The following TLK2 variants were observed in gnomAD, a reference collection of about 807,000 sequenced individuals.
The protein encoded by TLK2 is tousled like kinase 2.
TLK2 carries 6 observed loss-of-function variants against 117.3 expected under a neutral mutation model. The ratio of observed to expected loss-of-function variants is 0.05; its 90% confidence interval spans 0.03 to 0.10. TLK2 has a LOEUF of 0.10. TLK2 is among the 10% of genes least tolerant of loss of function. The pLI is 1.00. For synonymous variants in TLK2, 257 were observed against 316.7 expected (o/e 0.81, Z 2.00); for missense variants, 299 against 901.2 (o/e 0.33, Z 8.56).
At chr17:62,482,401 T>G (rs534664996) in intron 2 of TLK2, among the ~76,000 whole-genome samples, 6 of 151,882 alleles carry the variant, frequency 4.0e-5, no homozygotes, top group East Asian at 1.9e-4. Flanking sequence ...AAAATGGGCT[T>G]CTTTGATGGG....
intron 7 of TLK2, chr17:62,551,516 T>C (rs2078455538): frequency 6.6e-6 from 1 of 152,066 alleles, no homozygotes; most frequent in Non-Finnish European, 1.5e-5. Flanking sequence ...CCATCCTGGC[T>C]AACACAGTGA....
intron 9 of TLK2, among the ~76,000 whole-genome samples, chr17:62,556,259 A>G (rs560176039): frequency 5.3e-5 from 8 of 152,310 alleles, no homozygotes; most frequent in African/African-American, 1.9e-4. Flanking sequence ...TATATATGAT[A>G]CTAAGTTCTT....
At chr17:62,539,557 C>G (rs1381169537) in intron 7 of TLK2, among the ~76,000 whole-genome samples, 4 of 150,120 alleles carry the variant, frequency 2.7e-5, no homozygotes, top group Non-Finnish European at 5.9e-5. Flanking sequence ...TCAGCTCACT[C>G]CAACCTCCAT....
intron 16 of TLK2, among the ~76,000 whole-genome samples, chr17:62,595,198 G>C (rs1338668990): frequency 6.6e-6 from 1 of 151,848 alleles, no homozygotes; most frequent in African/African-American, 2.4e-5. Flanking sequence ...CCTGACCTCA[G>C]GTGATCCAGC....
chr17:62,593,732 C>T (rs927196960), intron 16 of TLK2, among the ~76,000 whole-genome samples: 1 of 151,714 alleles, frequency 6.6e-6, no homozygotes, highest in Non-Finnish European at 1.5e-5. Context: ...GAAGGACCCG[C>T]CTGAGGCTGT....
rs1182946948 is a variant in TLK2, at chr17:62,613,413, A to T, written c.*848A>T. 1 of 152,610 alleles carries T rather than the reference A, an allele frequency of 6.6e-6. No homozygotes were observed. The highest frequency in any genetic ancestry group is 6.5e-5 in the Admixed American group (1 of 15,274). The allele number at this position is 152,610 out of a possible 1,614,324, so 9.5% of individuals were successfully genotyped here. The stretch of plus-strand genomic sequence containing the variant: ...CTAGGTTTTCAACTATTTCTTCACA[A>T]TTTGAACACTTGACGGTTGTCCCTT... On this transcript the variant is annotated 3_prime_UTR_variant, in exon 22 of 22. Transcript: ENST00000346027.
At chr17:62,528,113 G>T (rs1459463434) in intron 6 of TLK2, among the ~76,000 whole-genome samples, 2 of 152,070 alleles carry the variant, frequency 1.3e-5, no homozygotes, top group Admixed American at 1.3e-4. Flanking sequence ...ACATAAAGGT[G>T]TAATTTTTAA....
At chr17:62,579,807 C>T (rs150932450) in intron 14 of TLK2, among the ~76,000 whole-genome samples, 11 of 152,304 alleles carry the variant, frequency 7.2e-5, no homozygotes, top group African/African-American at 2.2e-4. Flanking sequence ...AATCTCTAAT[C>T]TACCCTCCCT....
At chr17:62,576,659 C>G (rs376020449) in intron 12 of TLK2, 50 bp from the exon 13 acceptor site, 1 of 1,406,056 alleles carries the variant, frequency 7.1e-7, no homozygotes, top group African/African-American at 1.4e-5. Flanking sequence ...TTTAAACAGG[C>G]AAACTATGAT....
At chr17:62,524,871 T>C (rs2076269738) in intron 6 of TLK2, among the ~76,000 whole-genome samples, 2 of 152,172 alleles carry the variant, frequency 1.3e-5, no homozygotes, top group African/African-American at 4.8e-5. Flanking sequence ...ACTGGAGTCA[T>C]TATTGGTTGT....
intron 21 of TLK2, 110 bp from the exon 22 acceptor site, chr17:62,612,282 T>G (rs2083855370): frequency 2.4e-6 from 3 of 1,225,760 alleles, no homozygotes; most frequent in Non-Finnish European, 3.4e-6. Context: ...AAGCCCCTTC[T>G]CTTTAGTTGA....
intron 11 of TLK2, among the ~76,000 whole-genome samples, chr17:62,572,624 A>C (rs1305468106): frequency 6.6e-6 from 1 of 152,182 alleles, no homozygotes; most frequent in Non-Finnish European, 1.5e-5. Flanking sequence ...TGCTTTCTCC[A>C]AATGTATTTT....
intron 15 of TLK2, among the ~76,000 whole-genome samples, chr17:62,582,715 C>G (rs2081307293): frequency 6.6e-6 from 1 of 152,158 alleles, no homozygotes; most frequent in Admixed American, 6.5e-5. Flanking sequence ...TACATTCACA[C>G]TTTTTGTGAA....
rs1460954093 is a variant in TLK2 at position 62,524,109 on chromosome 17, G to A, written c.268-127G>A. On this transcript the variant is annotated intron_variant, in intron 5 of 21. Coordinates refer to ENST00000346027, the MANE Select transcript of TLK2 (RefSeq NM_006852.6). ...TGACTTGTGTGGCATTTTCTCTCTA[G>A]AGTAAGATGTGTTAACTTAAAGGGG... 6 of 562,944 alleles carry A rather than the reference G, an allele frequency of 1.1e-5. No individual in the cohort carries two copies. In the Admixed American group the frequency reaches 2.4e-4, roughly 22 times the overall value. 34.9% of individuals were successfully genotyped at this position (562,944 alleles called of 1,614,324 possible). A position where few individuals can be genotyped will look rare whatever the true frequency, so the allele number is the denominator to read the frequency against.
intron 1 of TLK2, among the ~76,000 whole-genome samples, chr17:62,471,972 T>A (rs140254502): frequency 0.033 from 4,656 of 140,706 alleles, 91 homozygotes; most frequent in Middle Eastern, 0.12. Context: ...GTGGTGTGAT[T>A]TCGGCTCACT....
At chr17:62,556,575 G>A (rs964496730) in intron 9 of TLK2, among the ~76,000 whole-genome samples, 12 of 152,100 alleles carry the variant, frequency 7.9e-5, no homozygotes, top group African/African-American at 1.9e-4. Flanking sequence ...AATATAACAC[G>A]CATTCTCTCT....
chr17:62,549,353 C>T (rs1226540303), intron 7 of TLK2, among the ~76,000 whole-genome samples: 4 of 115,660 alleles, frequency 3.5e-5, no homozygotes, highest in South Asian at 3.0e-4. Flanking sequence ...GAGACGAGAT[C>T]GTGCCACTAC....
At chr17:62,514,346 T>C (rs1432118391) in intron 2 of TLK2, among the ~76,000 whole-genome samples, 1 of 151,854 alleles carries the variant, frequency 6.6e-6, no homozygotes, top group African/African-American at 2.4e-5. Context: ...GGTTTCACCA[T>C]GTTGGCCAGG....
chr17:62,580,991 A>G (rs902012836), intron 15 of TLK2, among the ~76,000 whole-genome samples: 1 of 151,922 alleles, frequency 6.6e-6, no homozygotes, highest in Non-Finnish European at 1.5e-5. Context: ...TCTTATTTTA[A>G]TTTTTTTTAA....
Sources: allele counts gnomAD v4.1 joint callset (sites outside exome capture counted in the v4.1 genomes callset), GRCh38; gene constraint gnomAD v4.1.1; transcripts MANE v1.5; gene names NCBI Gene and HGNC (gene_info 2026-07-23, HGNC 2026-07-21).